KCNJ10: variants seen among roughly 807,000 people sequenced by gnomAD.
The protein encoded by KCNJ10 is ATP-sensitive inward rectifier potassium channel 10.
In KCNJ10, 9 loss-of-function variants were observed where a neutral mutation model predicts 22.2. The observed-to-expected ratio is 0.40, with a 90% CI of 0.24 to 0.71. The LOEUF (loss-of-function observed/expected upper bound fraction) is 0.71. KCNJ10 is among the 30% of genes least tolerant of loss of function. The pLI is 0.35. For synonymous variants in KCNJ10, 184 were observed against 187.3 expected (o/e 0.98, Z 0.15); for missense variants, 337 against 482.7 (o/e 0.70, Z 2.83).
In KCNJ10 at chr1:160,042,529, T is replaced by A; in HGVS notation, c.4A>T (p.Thr2Ser). ...CTGTAATACACCTTGGCAACTGACG[T>A]CATCTGGAGGGAGCAAGACAGCATA... M[T>S]SVAKVYYSQT... The change falls in exon 2 of 2, where the codon ACG (threonine) becomes TCG (serine). Residue 2 changes from threonine (T) to serine (S), a missense_variant. Transcript: ENST00000644903. 1.2e-6 allele frequency: 2 copies of A among 1,613,924 alleles called. No individual in the cohort carries two copies. Among genetic ancestry groups the A allele is most frequent in the Non-Finnish European group, 8.5e-7 (1 of 1,179,990 alleles).
At chr1:160,043,993 A>G (rs916993307) in intron 1 of KCNJ10, among the ~76,000 whole-genome samples, 1 of 152,110 alleles carries the variant, frequency 6.6e-6, no homozygotes, top group African/African-American at 2.4e-5. Flanking sequence ...AAAAAGTCTG[A>G]ACCATTGCAT....
At chr1:160,050,928 C>T (rs1648887185) in intron 1 of KCNJ10, among the ~76,000 whole-genome samples, 2 of 152,052 alleles carry the variant, frequency 1.3e-5, no homozygotes, top group South Asian at 4.2e-4. Context: ...CTCCAGCCTG[C>T]TGGTCTGGTC....
chr1:160,067,802 G>T (rs968883775), intron 1 of KCNJ10: 2 of 152,206 alleles, frequency 1.3e-5, no homozygotes, highest in African/African-American at 4.8e-5. Context: ...AGGAGGCTCA[G>T]GAGTATCCTT....
At chr1:160,049,675 T>TTATTTTTATATATA (rs1283511580) in intron 1 of KCNJ10, among the ~76,000 whole-genome samples, 1 of 47,096 alleles carries the variant, frequency 2.1e-5, no homozygotes, top group Non-Finnish European at 4.1e-5. Context: ...TTTTATTTAT[T>TTATTTTTATATATA]TATATATATA....
intron 1 of KCNJ10, among the ~76,000 whole-genome samples, chr1:160,061,810 T>G (rs1429312220): frequency 2.0e-5 from 3 of 150,974 alleles, no homozygotes; most frequent in Admixed American, 6.6e-5. Flanking sequence ...GGAGGTGGTG[T>G]TGTGGACGTG....
chr1:160,062,151 C>A (rs1649214959), intron 1 of KCNJ10, among the ~76,000 whole-genome samples: 1 of 152,108 alleles, frequency 6.6e-6, no homozygotes, highest in South Asian at 2.1e-4. Context: ...CTGTCAAATG[C>A]CCATCTCCCC....
rs754783764 is a variant in KCNJ10, at chr1:160,041,427, C to T, written c.1106G>A (p.Gly369Asp). The T allele has an allele frequency of 1.4e-5, 22 of 1,613,530 alleles. No homozygotes were observed. The South Asian group carries it at 2.4e-4, about 18-fold the overall frequency. ...ESLREQAEKE[G>D]SALSVRISNV ...GCTGATGCGCACACTAAGGGCACTG[C>T]CCTCCTTCTCAGCTTGCTCCCTTAA... The change falls in exon 2 of 2, where the codon GGC becomes GAC. Residue 369 changes from glycine (G) to aspartate (D), a missense_variant. Gly to Asp is a moderately conservative substitution (Grantham distance 94, BLOSUM62 -1). Coordinates refer to ENST00000644903, the MANE Select transcript of KCNJ10 (RefSeq NM_002241.5). This position sits in a 1 kb window ranked among gnomAD's most constrained non-coding sequence, Gnocchi z 4.4.
At position 160,041,353 on chromosome 1, in the gene KCNJ10, G is replaced by C; in HGVS notation, c.*40C>G. ...TTCCTTACCAGGGCATTGGAAGAGAGGAAAAGAGACCAGAGGAATGGGGGA... is the reference window on the plus strand; with the variant it reads ...TTCCTTACCAGGGCATTGGAAGAGACGAAAAGAGACCAGAGGAATGGGGGA... On this transcript the variant is annotated 3_prime_UTR_variant, in exon 2 of 2. Transcript: ENST00000644903. The surrounding 1 kb of genome is among the most constrained non-coding windows in gnomAD (Gnocchi z 4.4). The C allele has an allele frequency of 6.3e-7, 1 of 1,593,262 alleles. No homozygotes were observed. The highest frequency in any genetic ancestry group is 2.2e-5 in the East Asian group (1 of 44,604).
Position 160,040,241 on chromosome 1 carries a change from C to G in KCNJ10, c.*1152G>C. 1 of 311,074 alleles carries G rather than the reference C, an allele frequency of 3.2e-6. No individual in the cohort carries two copies. Among genetic ancestry groups the G allele is most frequent in the Non-Finnish European group, 5.8e-6 (1 of 171,084 alleles). 19.3% of individuals were successfully genotyped at this position (311,074 alleles called of 1,614,324 possible). A position where few individuals can be genotyped will look rare whatever the true frequency, so the allele number is the denominator to read the frequency against. On this transcript the variant is annotated 3_prime_UTR_variant, in exon 2 of 2. Coordinates refer to ENST00000644903, the MANE Select transcript of KCNJ10 (RefSeq NM_002241.5). ...TCCTGCCCAAACCTTAACAAAGCAT[C>G]ACCAATTCTCAGAGGCTCTGTACAG... is the stretch of plus-strand genomic sequence containing the variant.
intron 1 of KCNJ10, among the ~76,000 whole-genome samples, chr1:160,063,808 C>T (rs1249585311): frequency 6.6e-6 from 1 of 152,212 alleles, no homozygotes; most frequent in Non-Finnish European, 1.5e-5. Context: ...CAGCTCCCTG[C>T]CTTCGGGACA....
At chr1:160,047,923 T>G (rs1196835819) in intron 1 of KCNJ10, among the ~76,000 whole-genome samples, 2 of 152,228 alleles carry the variant, frequency 1.3e-5, no homozygotes, top group Non-Finnish European at 2.9e-5. Flanking sequence ...GTACTTTTAG[T>G]AGAGACGGGG....
At chr1:160,050,844 C>G (rs896770178) in intron 1 of KCNJ10, among the ~76,000 whole-genome samples, 7 of 152,112 alleles carry the variant, frequency 4.6e-5, no homozygotes, top group African/African-American at 1.4e-4. Context: ...CCTTCATGGC[C>G]AGCTGCAGGG....
intron 1 of KCNJ10, among the ~76,000 whole-genome samples, chr1:160,068,778 T>G (rs1649384690): frequency 1.3e-5 from 2 of 152,156 alleles, no homozygotes. Context: ...CCTTGGAGAT[T>G]AGGGAGAGAG....
At position 160,038,827 on chromosome 1, in the gene KCNJ10, C is replaced by G. The variant is rs768339683; in HGVS notation, c.*2566G>C. On this transcript the variant is annotated 3_prime_UTR_variant, in exon 2 of 2. Coordinates refer to ENST00000644903, the MANE Select transcript of KCNJ10 (RefSeq NM_002241.5). ...TTCACTAGGTCCCTCAGCATCATTTCTTTCTCATCTTCTCACCCCAGGTAT... is the reference window on the plus strand; with the variant it reads ...TTCACTAGGTCCCTCAGCATCATTTGTTTCTCATCTTCTCACCCCAGGTAT... The G allele has an allele frequency of 6.6e-6, 1 of 152,224 alleles. No individual in the cohort carries two copies. The highest frequency in any genetic ancestry group is 1.5e-5 in the Non-Finnish European group (1 of 68,038). The allele number at this position is 152,224 out of a possible 1,614,324, so 9.4% of individuals were successfully genotyped here. A position where few individuals can be genotyped will look rare whatever the true frequency, so the allele number is the denominator to read the frequency against.
Position 160,041,293 on chromosome 1 carries a change from G to A in KCNJ10, c.*100C>T. 8.2e-7 allele frequency: 1 copy of A among 1,215,658 alleles called. No homozygotes were observed. The highest frequency in any genetic ancestry group is 1.2e-6 in the Non-Finnish European group (1 of 847,860). The allele number at this position is 1,215,658 out of a possible 1,614,324, so 75.3% of individuals were successfully genotyped here. On this transcript the variant is annotated 3_prime_UTR_variant, in exon 2 of 2. Coordinates refer to ENST00000644903, the MANE Select transcript of KCNJ10 (RefSeq NM_002241.5). This position sits in a 1 kb window ranked among gnomAD's most constrained non-coding sequence, Gnocchi z 4.4. The stretch of plus-strand genomic sequence containing the variant: ...TTAAAGAAGAGGGAGTGGAGGATGG[G>A]TGCTTCGGGGGATCTCCAGTAAACC...
rs1648624751 is a variant in KCNJ10 at position 160,042,210 on chromosome 1, CAG to C, written c.321_322del (p.Val109GlyfsTer15). On this transcript the variant is annotated frameshift_variant, in exon 2 of 2. Transcript: ENST00000644903. LOFTEE classifies it high-confidence loss of function. ...AGTGAGTGTGTGCACCTGTACCACA[CAG>C]GGGGTGTGGTTGGCCGGGGGGTCCA... is the stretch of plus-strand genomic sequence containing the variant. The C allele has an allele frequency of 6.2e-7, 1 of 1,613,462 alleles. No homozygotes were observed. The highest frequency in any genetic ancestry group is 8.5e-7 in the Non-Finnish European group (1 of 1,179,526).
chr1:160,056,589 A>G (rs1649041551), intron 1 of KCNJ10, among the ~76,000 whole-genome samples: 1 of 152,070 alleles, frequency 6.6e-6, no homozygotes, highest in Admixed American at 6.5e-5. Context: ...CCCACCTCCC[A>G]GGTAGAAATA....
chr1:160,045,892 A>G (rs1648732115), intron 1 of KCNJ10, among the ~76,000 whole-genome samples: 1 of 152,246 alleles, frequency 6.6e-6, no homozygotes. Flanking sequence ...ACAATCAGGG[A>G]GTTCATACTG....
chr1:160,068,627 G>A (rs1004871277), intron 1 of KCNJ10, among the ~76,000 whole-genome samples: 52 of 152,082 alleles, frequency 3.4e-4, no homozygotes, highest in African/African-American at 1.2e-3. Flanking sequence ...CTTCCTCCCT[G>A]AAGAACCAGC....
Sources: allele counts gnomAD v4.1 joint callset (sites outside exome capture counted in the v4.1 genomes callset), GRCh38; gene constraint gnomAD v4.1.1; non-coding constraint Gnocchi (gnomAD v3.1); transcripts MANE v1.5; gene names NCBI Gene and HGNC (gene_info 2026-07-23, HGNC 2026-07-21).